JARID2: variants seen among roughly 807,000 people sequenced by gnomAD.
JARID2 encodes the protein jumonji and AT-rich interaction domain containing 2, also known as protein Jumonji.
JARID2 carries 21 observed loss-of-function variants against 125.6 expected under a neutral mutation model. The ratio of observed to expected loss-of-function variants is 0.17; its 90% confidence interval spans 0.12 to 0.24. The LOEUF (loss-of-function observed/expected upper bound fraction) is 0.24. Ranked by LOEUF, JARID2 falls within the 10% of genes least tolerant of loss-of-function variation. The pLI, the probability that JARID2 is intolerant of heterozygous loss-of-function variation, is 1.00. For synonymous variants in JARID2, 736 were observed against 661.6 expected (o/e 1.11, Z -1.73); for missense variants, 1,303 against 1,639.6 (o/e 0.79, Z 3.55).
At chr6:15,289,267 A>C (rs919036528) in intron 1 of JARID2, among the ~76,000 whole-genome samples, 1 of 152,172 alleles carries the variant, frequency 6.6e-6, no homozygotes, top group African/African-American at 2.4e-5. Flanking sequence ...AATAATGAAA[A>C]ATAGTTAAGA....
chr6:15,262,364 C>T (rs1384966630), intron 1 of JARID2, among the ~76,000 whole-genome samples: 2 of 151,734 alleles, frequency 1.3e-5, no homozygotes, highest in Admixed American at 6.6e-5. Flanking sequence ...AATATGTGGA[C>T]TTTGTGTCTT....
At chr6:15,309,592 T>A (rs1665981938) in intron 1 of JARID2, among the ~76,000 whole-genome samples, 2 of 152,178 alleles carry the variant, frequency 1.3e-5, no homozygotes, top group South Asian at 4.1e-4. Flanking sequence ...TATTTACAGT[T>A]TAATTTTTTT....
chr6:15,281,950 G>A (rs999016327), intron 1 of JARID2, among the ~76,000 whole-genome samples: 45 of 151,962 alleles, frequency 3.0e-4, no homozygotes, highest in Non-Finnish European at 5.4e-4. Flanking sequence ...GTGTGTGTGT[G>A]TGTGTGTGTG....
intron 16 of JARID2, among the ~76,000 whole-genome samples, chr6:15,516,228 C>T (rs932823215): frequency 2.6e-5 from 4 of 152,204 alleles, no homozygotes; most frequent in East Asian, 1.9e-4. Flanking sequence ...ACACCGCAGA[C>T]GAAAACAAGT....
intron 2 of JARID2, chr6:15,400,860 G>A (rs1210526235): frequency 2.3e-6 from 3 of 1,286,168 alleles, no homozygotes; most frequent in Non-Finnish European, 2.0e-6. Flanking sequence ...TTGTTGACAA[G>A]TGCTCCGGAG....
At chr6:15,501,522 T>TGAAG (rs71901973) in intron 8 of JARID2, 113 bp downstream of exon 8, 407,438 of 1,056,692 alleles carry the variant, frequency 0.39, 82,341 homozygotes, top group Middle Eastern at 0.43. Context: ...CCTGGGGTGA[T>TGAAG]GAGGGGGCGG....
In JARID2 at chr6:15,468,277, G is replaced by T. The variant is rs574373078; in HGVS notation, c.494-265G>T. On this transcript the variant is annotated intron_variant, in intron 4 of 17. Transcript: ENST00000341776. ...TTTTGTTCCATCCTTGGAGGTGTTTGTTTTTTTTCTCAAGAGATATTCAGA... is the reference window on the plus strand; with the variant it reads ...TTTTGTTCCATCCTTGGAGGTGTTTTTTTTTTTTCTCAAGAGATATTCAGA... 3.8e-3 allele frequency among the ~76,000 whole-genome samples: 550 copies of T among 144,870 alleles called. 2 individuals carry two copies. The highest frequency in any genetic ancestry group is 0.013 in the African/African-American group (509 of 38,972).
chr6:15,477,608 T>C (rs1350266943), intron 5 of JARID2, among the ~76,000 whole-genome samples: 6 of 151,724 alleles, frequency 4.0e-5, no homozygotes, highest in Admixed American at 3.9e-4. Flanking sequence ...GCGGTGTTCC[T>C]TAGAGGCCGT....
chr6:15,467,988 G>A (rs547503151), intron 4 of JARID2, among the ~76,000 whole-genome samples: 5 of 152,032 alleles, frequency 3.3e-5, no homozygotes, highest in East Asian at 1.9e-4. Context: ...TGCAGCGTGG[G>A]AATTTATTTG....
At chr6:15,370,956 G>C (rs766231549) in intron 1 of JARID2, among the ~76,000 whole-genome samples, 1 of 152,188 alleles carries the variant, frequency 6.6e-6, no homozygotes, top group Non-Finnish European at 1.5e-5. Flanking sequence ...TTTGTGTCTT[G>C]CATCAGCATT....
intron 2 of JARID2, among the ~76,000 whole-genome samples, chr6:15,391,726 T>C (rs1447097333): frequency 6.6e-6 from 1 of 152,212 alleles, no homozygotes; most frequent in African/African-American, 2.4e-5. Context: ...TCGTAATTCT[T>C]GTTCTACCAG....
At chr6:15,263,483 A>G (rs1290124001) in intron 1 of JARID2, among the ~76,000 whole-genome samples, 1 of 152,100 alleles carries the variant, frequency 6.6e-6, no homozygotes, top group Non-Finnish European at 1.5e-5. Context: ...AGTTCTTCAA[A>G]GGAGGAGGGA....
chr6:15,421,606 G>T (rs946118783), intron 3 of JARID2, among the ~76,000 whole-genome samples: 1 of 152,196 alleles, frequency 6.6e-6, no homozygotes, highest in African/African-American at 2.4e-5. Flanking sequence ...CCTTAGCCTA[G>T]ATAATATTGT....
chr6:15,495,153 C>T (rs1475303211), intron 6 of JARID2, among the ~76,000 whole-genome samples: 1 of 152,202 alleles, frequency 6.6e-6, no homozygotes, highest in Non-Finnish European at 1.5e-5. Context: ...GCATGTCTGG[C>T]AGCAGCCCAT....
chr6:15,516,053 C>G (rs922840023), intron 16 of JARID2, among the ~76,000 whole-genome samples: 1 of 150,570 alleles, frequency 6.6e-6, no homozygotes, highest in Non-Finnish European at 1.5e-5. Flanking sequence ...TTGACTTATA[C>G]GTTGACAGTT....
chr6:15,509,584 G>A (rs1446797393), intron 12 of JARID2, among the ~76,000 whole-genome samples: 1 of 152,248 alleles, frequency 6.6e-6, no homozygotes, highest in Non-Finnish European at 1.5e-5. Context: ...GGAGCCTTGG[G>A]GCTTAGCCGG....
chr6:15,303,958 A>G (rs566644532), intron 1 of JARID2, among the ~76,000 whole-genome samples: 1 of 152,306 alleles, frequency 6.6e-6, no homozygotes, highest in South Asian at 2.1e-4. Context: ...CCTCAACAAC[A>G]GTGATAATTC....
chr6:15,263,074 T>TTG (rs561238062), intron 1 of JARID2, among the ~76,000 whole-genome samples: 11,976 of 139,598 alleles, frequency 0.086, 464 homozygotes, highest in Middle Eastern at 0.13. Context: ...GGGTGTGTGT[T>TTG]TGTGTGTGTG....
chr6:15,483,672 C>T (rs1769730761), intron 5 of JARID2, among the ~76,000 whole-genome samples: 3 of 152,052 alleles, frequency 2.0e-5, no homozygotes, highest in Admixed American at 6.5e-5. Flanking sequence ...TCGGTGATTT[C>T]CCCCAATTTT....
Sources: allele counts gnomAD v4.1 joint callset (sites outside exome capture counted in the v4.1 genomes callset), GRCh38; gene constraint gnomAD v4.1.1; transcripts MANE v1.5; gene names NCBI Gene and HGNC (gene_info 2026-07-23, HGNC 2026-07-21).